FSCN1: variants seen among roughly 807,000 people sequenced by gnomAD.
FSCN1 encodes the protein fascin.
FSCN1 carries 10 observed loss-of-function variants against 39.7 expected under a neutral mutation model. The ratio of observed to expected loss-of-function variants is 0.25; its 90% confidence interval spans 0.16 to 0.43. The LOEUF (loss-of-function observed/expected upper bound fraction) is 0.43. Ranked by LOEUF, FSCN1 falls within the 20% of genes least tolerant of loss-of-function variation. FSCN1 has a pLI of 1.00. For synonymous variants in FSCN1, 322 were observed against 320.0 expected, an observed-to-expected ratio of 1.01 and a Z score of -0.07; for missense variants, 525 against 723.8, an observed-to-expected ratio of 0.73 and a Z score of 3.15.
chr7:5,593,011 G>C lies in FSCN1; in HGVS notation c.75G>C (p.Thr25=), dbSNP rs11557820. The C allele has an allele frequency of 2.5e-6, 4 of 1,596,432 alleles. No homozygotes were observed. The highest frequency in any genetic ancestry group is 3.4e-6 in the Non-Finnish European group (4 of 1,171,882). Residue 25 remains threonine, a synonymous_variant, in exon 1 of 5, where the codon ACG becomes ACC. Transcript: ENST00000382361. ...TCAACTGCGGCAACAAGTACCTGACGGCCGAGGCGTTCGGGTTCAAGGTGA... is the reference window on the plus strand; with the variant it reads ...TCAACTGCGGCAACAAGTACCTGACCGCCGAGGCGTTCGGGTTCAAGGTGA... ...GLINCGNKYL[T]AEAFGFKVNA...
rs1785787869 is a variant in FSCN1, at chr7:5,599,414, G to T, written c.833-3843G>T. 6.6e-6 allele frequency among the ~76,000 whole-genome samples: 1 copy of T among 152,180 alleles called. No homozygotes were observed. Among genetic ancestry groups the T allele is most frequent in the African/African-American group, 2.4e-5 (1 of 41,446 alleles). Reference sequence around the variant, plus strand: ...ACTTTCTCTTGCTGTGTGACCTTAGGCAAGGACATGCCACCACCGGCCTTA... The same window carrying T: ...ACTTTCTCTTGCTGTGTGACCTTAGTCAAGGACATGCCACCACCGGCCTTA... On this transcript the variant is annotated intron_variant, in intron 1 of 4. Coordinates refer to ENST00000382361, the MANE Select transcript of FSCN1 (RefSeq NM_003088.4). This position sits in a 1 kb window ranked among gnomAD's most constrained non-coding sequence, Gnocchi z 5.6.
rs1785874045 is a variant in FSCN1 at position 5,603,579 on chromosome 7, A to G, written c.1073A>G (p.Lys358Arg). The G allele has an allele frequency of 1.2e-6, 2 of 1,614,000 alleles. No homozygotes were observed. The highest frequency in any genetic ancestry group is 1.7e-5 in the Admixed American group (1 of 60,000). Residue 358 changes from lysine (K) to arginine (R), a missense_variant, in exon 3 of 5, where the codon AAG becomes AGG. Transcript: ENST00000382361. This position sits in a 1 kb window ranked among gnomAD's most constrained non-coding sequence, Gnocchi z 8.5. Reference protein sequence around the residue: ...RASNGKFVTSKKNGQLAASVE... With the variant: ...RASNGKFVTSRKNGQLAASVE... The stretch of plus-strand genomic sequence containing the variant: ...TCCAATGGCAAGTTTGTGACCTCCA[A>G]GAAGAATGGGCAGCTGGCCGCCTCG...
Position 5,593,482 on chromosome 7 carries a change from G to C in FSCN1, c.546G>C (p.Gln182His). The C allele has an allele frequency of 6.2e-7, 1 of 1,611,316 alleles. No homozygotes were observed. Among genetic ancestry groups the C allele is most frequent in the Non-Finnish European group, 8.5e-7 (1 of 1,179,668 alleles). Reference protein sequence around the residue: ...GVDSLITLAFQDQRYSVQTAD... With the variant: ...GVDSLITLAFHDQRYSVQTAD... ...ACTCGCTCATCACCCTCGCCTTCCA[G>C]GACCAGCGCTACAGCGTGCAGACCG... is the stretch of plus-strand genomic sequence containing the variant. Residue 182 changes from glutamine (Q) to histidine (H), a missense_variant, in exon 1 of 5, where the codon CAG (glutamine) becomes CAC (histidine). Gln to His is a conservative substitution (Grantham distance 24). Coordinates refer to ENST00000382361, the MANE Select transcript of FSCN1 (RefSeq NM_003088.4).
rs1438872229 is a variant in FSCN1, at chr7:5,603,465, C to T, written c.990-31C>T. 8.7e-6 allele frequency: 14 copies of T among 1,614,026 alleles called. No individual in the cohort carries two copies. The highest frequency in any genetic ancestry group is 1.7e-5 in the Admixed American group (1 of 60,030). ...CGCCCCCACCACCTTGCCTGGGCTA[C>T]CCCGCCTGACCCTGTCCCGCCATCC... On this transcript the variant is annotated intron_variant, in intron 2 of 4. Coordinates refer to ENST00000382361, the MANE Select transcript of FSCN1 (RefSeq NM_003088.4). The surrounding 1 kb of genome is among the most constrained non-coding windows in gnomAD (Gnocchi z 8.5).
chr7:5,603,585 A>G lies in FSCN1; in HGVS notation c.1079A>G (p.Asn360Ser), dbSNP rs1344960305. ...SNGKFVTSKK[N>S]GQLAASVETA... ...GGCAAGTTTGTGACCTCCAAGAAGA[A>G]TGGGCAGCTGGCCGCCTCGGTGGAG... Residue 360 changes from asparagine to serine, a missense_variant, in exon 3 of 5, where the codon AAT becomes AGT. Physicochemically the swap from Asn to Ser is conservative, Grantham distance 46. Around this residue, in one of 3 missense-constraint regions of FSCN1, gnomAD observed 275 missense variants for 351.9 expected, o/e 0.78. Transcript: ENST00000382361. The surrounding 1 kb of genome is among the most constrained non-coding windows in gnomAD (Gnocchi z 8.5). 3 of 1,613,982 alleles carry G rather than the reference A, an allele frequency of 1.9e-6. No individual in the cohort carries two copies. In the African/African-American group the frequency reaches 4.0e-5, roughly 22 times the overall value.
In FSCN1 at chr7:5,603,961, C is replaced by A. The variant is rs1160722911; in HGVS notation, c.1210C>A (p.Leu404Met). Residue 404 changes from leucine to methionine, a missense_variant, in exon 4 of 5, where the codon CTG becomes ATG. By Grantham distance (15) the Leu-to-Met change is conservative. This residue lies in a region of FSCN1 where 275 missense variants were observed against 351.9 expected (regional missense o/e 0.78). Transcript: ENST00000382361. The surrounding 1 kb of genome is among the most constrained non-coding windows in gnomAD (Gnocchi z 8.5). ...CGGCTGCCGCAAGGTCACGGGCACC[C>A]TGGACGCCAACCGCTCCAGCTATGA... ...FIGCRKVTGT[L>M]DANRSSYDVF... 1 of 1,614,080 alleles carries A rather than the reference C, an allele frequency of 6.2e-7. No individual in the cohort carries two copies. The highest frequency in any genetic ancestry group is 2.2e-5 in the East Asian group (1 of 44,882).
Position 5,599,350 on chromosome 7 carries a change from G to T in FSCN1, c.833-3907G>T, listed in dbSNP as rs1414752751. On this transcript the variant is annotated intron_variant, in intron 1 of 4. Transcript: ENST00000382361. This position sits in a 1 kb window ranked among gnomAD's most constrained non-coding sequence, Gnocchi z 5.6. ...GGGCAGGGAAAGGGCGTGGCAAGAG[G>T]GCCACCCACCTCCGGTCCAGAGAGC... Among the ~76,000 whole-genome samples the T allele has an allele frequency of 6.6e-6, 1 of 152,148 alleles. No homozygotes were observed. Among genetic ancestry groups the T allele is most frequent in the Non-Finnish European group, 1.5e-5 (1 of 68,002 alleles).
rs1785787793 is a variant in FSCN1, at chr7:5,599,402, G to T, written c.833-3855G>T. On this transcript the variant is annotated intron_variant, in intron 1 of 4. Transcript: ENST00000382361. The surrounding 1 kb of genome is among the most constrained non-coding windows in gnomAD (Gnocchi z 5.6). ...AGCCAGACCCTTACTTTCTCTTGCT[G>T]TGTGACCTTAGGCAAGGACATGCCA... is the stretch of plus-strand genomic sequence containing the variant. 6.6e-6 allele frequency among the ~76,000 whole-genome samples: 1 copy of T among 152,188 alleles called. No individual in the cohort carries two copies. Among genetic ancestry groups the T allele is most frequent in the Non-Finnish European group, 1.5e-5 (1 of 68,032 alleles).
chr7:5,603,290 C>T lies in FSCN1; in HGVS notation c.866C>T (p.Thr289Ile). ...CTGTCTGCCAATCAGGACGAGGAGA[C>T]CGACCAGGAGACCTTCCAGCTGGAG... Reference protein sequence around the residue: ...MDLSANQDEETDQETFQLEID... With the variant: ...MDLSANQDEEIDQETFQLEID... The change falls in exon 2 of 5, where the codon ACC (threonine) becomes ATC (isoleucine). Residue 289 changes from threonine to isoleucine, a missense_variant. Thr to Ile is a moderately conservative substitution (Grantham distance 89). Coordinates refer to ENST00000382361, the MANE Select transcript of FSCN1 (RefSeq NM_003088.4). This position sits in a 1 kb window ranked among gnomAD's most constrained non-coding sequence, Gnocchi z 8.5. 2 of 1,612,734 alleles carry T rather than the reference C, an allele frequency of 1.2e-6. No homozygotes were observed. Among genetic ancestry groups the T allele is most frequent in the Admixed American group, 1.7e-5 (1 of 60,026 alleles).
Position 5,599,035 on chromosome 7 carries a change from A to G in FSCN1, c.833-4222A>G, listed in dbSNP as rs1172047364. Among the ~76,000 whole-genome samples, 2 of 152,008 alleles carry G rather than the reference A, an allele frequency of 1.3e-5. No individual in the cohort carries two copies. Among genetic ancestry groups the G allele is most frequent in the African/African-American group, 4.8e-5 (2 of 41,376 alleles). On this transcript the variant is annotated intron_variant, in intron 1 of 4. Transcript: ENST00000382361. The surrounding 1 kb of genome is among the most constrained non-coding windows in gnomAD (Gnocchi z 5.6). ...GGGGTGGGGCGGGCCAGACCTTTGC[A>G]GGGCCTCTTGGCTGGTGGAGGGCTG... is the stretch of plus-strand genomic sequence containing the variant.
In FSCN1 at chr7:5,599,159, G is replaced by C. The variant is rs1273813295; in HGVS notation, c.833-4098G>C. Among the ~76,000 whole-genome samples, 1 of 152,102 alleles carries C rather than the reference G, an allele frequency of 6.6e-6. No homozygotes were observed. The highest frequency in any genetic ancestry group is 1.5e-5 in the Non-Finnish European group (1 of 67,980). On this transcript the variant is annotated intron_variant, in intron 1 of 4. Transcript: ENST00000382361. The surrounding 1 kb of genome is among the most constrained non-coding windows in gnomAD (Gnocchi z 5.6). ...CCCCTGCTCACCTTATCCTCCTCCC[G>C]TGCTTGGCTGGGGTGTGGTGGCTGA...
At chr7:5,602,701 CTTTT>C (rs1439305171) in intron 1 of FSCN1, among the ~76,000 whole-genome samples, 3 of 140,208 alleles carry the variant, frequency 2.1e-5, no homozygotes, top group African/African-American at 9.5e-5. Context: ...TTTCTTGATT[CTTTT>C]TGTTTTTTTT....
At chr7:5,594,361 TG>T (rs946650347) in intron 1 of FSCN1, among the ~76,000 whole-genome samples, 34 of 132,902 alleles carry the variant, frequency 2.6e-4, no homozygotes, top group African/African-American at 7.0e-4. Flanking sequence ...CCTCCGCTGG[TG>T]GGGGGGGGCG....
chr7:5,596,951 C>G (rs887351280), intron 1 of FSCN1, among the ~76,000 whole-genome samples: 5 of 152,168 alleles, frequency 3.3e-5, no homozygotes, highest in African/African-American at 1.2e-4. Context: ...CTGTTTTGAA[C>G]AAGCCAGGGG....
In FSCN1 at chr7:5,593,395, G is replaced by C; in HGVS notation, c.459G>C (p.Ala153=). Residue 153 remains alanine, a synonymous_variant, in exon 1 of 5, where the codon GCG becomes GCC. Coordinates refer to ENST00000382361, the MANE Select transcript of FSCN1 (RefSeq NM_003088.4). The stretch of plus-strand genomic sequence containing the variant: ...ACAGCGTCACCCGTAAGCGCTACGC[G>C]CACCTGAGCGCGCGGCCGGCCGACG... The part of the protein sequence containing the change: ...NIYSVTRKRY[A]HLSARPADEI... The C allele has an allele frequency of 6.2e-7, 1 of 1,612,286 alleles. No individual in the cohort carries two copies. Among genetic ancestry groups the C allele is most frequent in the Non-Finnish European group, 8.5e-7 (1 of 1,179,782 alleles).
In FSCN1 at chr7:5,603,357, G is replaced by A. The variant is rs1785869391; in HGVS notation, c.933G>A (p.Thr311=). Residue 311 remains threonine, a synonymous_variant, in exon 2 of 5, where the codon ACG becomes ACA. Coordinates refer to ENST00000382361, the MANE Select transcript of FSCN1 (RefSeq NM_003088.4). This position sits in a 1 kb window ranked among gnomAD's most constrained non-coding sequence, Gnocchi z 8.5. ...AAAAGTGTGCCTTCCGTACCCACAC[G>A]GGCAAGTACTGGACGCTGACGGCCA... ...DTKKCAFRTH[T]GKYWTLTATG... is the part of the protein sequence containing the mutation. The A allele has an allele frequency of 4.3e-6, 7 of 1,613,596 alleles. No homozygotes were observed. The highest frequency in any genetic ancestry group is 2.7e-5 in the African/African-American group (2 of 74,938).
chr7:5,602,268 C>A (rs1232759155), intron 1 of FSCN1, among the ~76,000 whole-genome samples: 2 of 150,870 alleles, frequency 1.3e-5, no homozygotes, highest in Non-Finnish European at 2.9e-5. Context: ...AACTCCTGGT[C>A]TCAAATGATC....
At position 5,603,167 on chromosome 7, in the gene FSCN1, GC is replaced by G; in HGVS notation, c.833-89del. 2 of 1,457,276 alleles carry G rather than the reference GC, an allele frequency of 1.4e-6. No homozygotes were observed. Among genetic ancestry groups the G allele is most frequent in the Admixed American group, 3.6e-5 (2 of 56,284 alleles). 90.3% of individuals were successfully genotyped at this position (1,457,276 alleles called of 1,614,324 possible). A position where few individuals can be genotyped will look rare whatever the true frequency, so the allele number is the denominator to read the frequency against. On this transcript the variant is annotated intron_variant, in intron 1 of 4. Transcript: ENST00000382361. The surrounding 1 kb of genome is among the most constrained non-coding windows in gnomAD (Gnocchi z 8.5). ...CCACCCCACCCCGTGGTGTTACCTT[GC>G]GTGTGTAGTTCTGTGAGCTCAGGGC...
intron 1 of FSCN1, among the ~76,000 whole-genome samples, chr7:5,595,102 G>A (rs904660098): frequency 6.6e-6 from 1 of 152,228 alleles, no homozygotes; most frequent in African/African-American, 2.4e-5. Flanking sequence ...CCTTGGAGAT[G>A]GCTGGACGGG....
Sources: gnomAD v4.1 joint callset for allele counts (sites outside exome capture counted in the v4.1 genomes callset) on GRCh38, gnomAD v4.1.1 for gene constraint, gnomAD v4.1.1 regional missense constraint, Gnocchi (gnomAD v3.1) non-coding constraint, MANE v1.5 for transcripts, NCBI Gene and HGNC (gene_info 2026-07-23, HGNC 2026-07-21) for gene names.